Variants in SENP1 observed in about 807,000 individuals in gnomAD.
The protein encoded by SENP1 is sentrin-specific protease 1.
Under a neutral mutation model 93.0 loss-of-function variants are expected in SENP1, and 21 were observed. The observed-to-expected ratio is 0.23, with a 90% CI of 0.16 to 0.33. SENP1 has a LOEUF of 0.33. Ranked by LOEUF, SENP1 falls within the 10% of genes least tolerant of loss-of-function variation. The pLI, the probability that SENP1 is intolerant of heterozygous loss-of-function variation, is 1.00. For synonymous variants in SENP1, 256 were observed against 259.6 expected (o/e 0.99, Z 0.13); for missense variants, 591 against 758.7 (o/e 0.78, Z 2.60).
chr12:48,068,422 C>T lies in SENP1; in HGVS notation c.996-1457G>A, dbSNP rs572011640. Among the ~76,000 whole-genome samples the T allele has an allele frequency of 8.5e-5, 13 of 152,080 alleles. 1 individual carries two copies. In the East Asian group the frequency reaches 2.5e-3, roughly 29 times the overall value. On this transcript the variant is annotated intron_variant, in intron 9 of 17. Coordinates refer to ENST00000549518, the MANE Select transcript of SENP1 (RefSeq NM_001267594.2). ...GTATTAGTTAAGCCTAATGAAAATC[C>T]CTATACTATTTAAACCTCAACATAA... is the stretch of plus-strand genomic sequence containing the variant.
intron 13 of SENP1, among the ~76,000 whole-genome samples, chr12:48,054,646 T>TG (rs1235716274): frequency 2.0e-5 from 3 of 151,908 alleles, no homozygotes; most frequent in Non-Finnish European, 4.4e-5. Context: ...ACAAATTAGC[T>TG]GGGTGTGGTG....
intron 4 of SENP1, among the ~76,000 whole-genome samples, chr12:48,091,331 T>C (rs1945211717): frequency 6.6e-6 from 1 of 151,844 alleles, no homozygotes; most frequent in African/African-American, 2.4e-5. Flanking sequence ...ACGTCTGTCG[T>C]CCCAGTTACT....
At chr12:48,056,098 ATAT>A (rs1424835271) in intron 13 of SENP1, among the ~76,000 whole-genome samples, 29 of 121,394 alleles carry the variant, frequency 2.4e-4, no homozygotes, top group Admixed American at 5.6e-4. Context: ...CATACAGTAT[ATAT>A]TATTTAATAT....
chr12:48,080,083 A>T (rs550134045), intron 6 of SENP1: 1 of 152,338 alleles, frequency 6.6e-6, no homozygotes, highest in Admixed American at 6.5e-5. Flanking sequence ...TTGCCATTTT[A>T]CATTTTTATT....
At chr12:48,054,117 T>C (rs1175844109) in intron 13 of SENP1, among the ~76,000 whole-genome samples, 1 of 152,178 alleles carries the variant, frequency 6.6e-6, no homozygotes, top group Non-Finnish European at 1.5e-5. Context: ...GTGTTCCTGG[T>C]GTACAAACAT....
At chr12:48,056,112 ATATT>A (rs997135687) in intron 13 of SENP1, among the ~76,000 whole-genome samples, 14 of 118,628 alleles carry the variant, frequency 1.2e-4, no homozygotes, top group African/African-American at 4.8e-4. Context: ...TATTTAATAT[ATATT>A]TAAAATATAG....
chr12:48,072,682 T>G (rs1392966767), intron 8 of SENP1, among the ~76,000 whole-genome samples: 1 of 151,880 alleles, frequency 6.6e-6, no homozygotes, highest in Admixed American at 6.6e-5. Context: ...AAGGTTAAAG[T>G]TTTTGATTTA....
At chr12:48,082,873 C>G (rs539054686) in intron 6 of SENP1, among the ~76,000 whole-genome samples, 10 of 152,100 alleles carry the variant, frequency 6.6e-5, no homozygotes, top group Non-Finnish European at 2.9e-5. Context: ...AAAAATTGTT[C>G]CTGGTAAGAA....
At chr12:48,056,853 ATTAT>A (rs1176353774) in intron 13 of SENP1, among the ~76,000 whole-genome samples, 1 of 61,628 alleles carries the variant, frequency 1.6e-5, no homozygotes, top group Admixed American at 2.4e-4. Flanking sequence ...TTACATATAT[ATTAT>A]TTAATATATT....
At chr12:48,087,323 GTTTTTAT>G (rs1320259830) in intron 5 of SENP1, among the ~76,000 whole-genome samples, 1 of 152,066 alleles carries the variant, frequency 6.6e-6, no homozygotes, top group Non-Finnish European at 1.5e-5. Flanking sequence ...GCAATGTGAT[GTTTTTAT>G]TTTTTATTTT....
At chr12:48,053,984 G>A (rs547138368) in intron 13 of SENP1, among the ~76,000 whole-genome samples, 3 of 152,164 alleles carry the variant, frequency 2.0e-5, no homozygotes, top group South Asian at 4.2e-4. Context: ...ATTCATCCAC[G>A]TAAATTGACA....
chr12:48,102,997 C>T lies in SENP1; in HGVS notation c.-44-1481G>A, dbSNP rs111757595. ...AAAAATTCTTCAGGTTATTCTTTCC[C>T]CTTCTTTCTTCTTTAATAGAGTAGA... On this transcript the variant is annotated intron_variant, in intron 1 of 17. Transcript: ENST00000549518. Among the ~76,000 whole-genome samples, 843 of 152,174 alleles carry T rather than the reference C, an allele frequency of 5.5e-3. 10 individuals are homozygous for T. The highest frequency in any genetic ancestry group is 0.019 in the African/African-American group (803 of 41,508).
chr12:48,096,603 G>A (rs1449928011), intron 3 of SENP1, among the ~76,000 whole-genome samples, 176 bp from the exon 4 acceptor site: 1 of 151,912 alleles, frequency 6.6e-6, no homozygotes, highest in East Asian at 1.9e-4. Context: ...TTACAGGCAC[G>A]CGCCATCACA....
intron 4 of SENP1, among the ~76,000 whole-genome samples, chr12:48,092,393 T>TA (rs558757058): frequency 1.3e-5 from 2 of 152,212 alleles, no homozygotes; most frequent in Non-Finnish European, 2.9e-5. Context: ...GAAGTTTTTT[T>TA]AAAGTCCATA....
At chr12:48,084,171 T>G (rs1944676390) in intron 5 of SENP1, among the ~76,000 whole-genome samples, 1 of 152,196 alleles carries the variant, frequency 6.6e-6, no homozygotes, top group Admixed American at 6.5e-5. Context: ...TGGAGGAAAT[T>G]AAGATTAAAT....
intron 6 of SENP1, among the ~76,000 whole-genome samples, chr12:48,078,334 T>TATATATATATATATATATACACAC: frequency 2.9e-5 from 2 of 67,894 alleles, no homozygotes; most frequent in Non-Finnish European, 6.0e-5. Context: ...TATATATATA[T>TATATATATATATATATATACACAC]ACACACACAT....
intron 6 of SENP1, among the ~76,000 whole-genome samples, chr12:48,077,636 GGTTT>G (rs1422801026): frequency 6.6e-6 from 1 of 151,812 alleles, no homozygotes; most frequent in Non-Finnish European, 1.5e-5. Context: ...ACAACATGCA[GGTTT>G]GTTACATATG....
rs756199377 is a variant in SENP1 at position 48,063,784 on chromosome 12, T to C, written c.1333A>G (p.Ser445Gly). ...GTAATGGTCAGGCGAAATGCTTCAC[T>C]GAGAACTTCATCCTGATTCCCATTA... is the stretch of plus-strand genomic sequence containing the variant. Reference protein sequence around the residue: ...FRNGNQDEVLSEAFRLTITRK... With the variant: ...FRNGNQDEVLGEAFRLTITRK... Residue 445 changes from serine (S) to glycine (G), a missense_variant, in exon 13 of 18, where the codon AGT becomes GGT. Transcript: ENST00000549518. The C allele has an allele frequency of 1.2e-6, 2 of 1,613,248 alleles. No individual in the cohort carries two copies. The highest frequency in any genetic ancestry group is 1.1e-5 in the South Asian group (1 of 91,056).
intron 9 of SENP1, among the ~76,000 whole-genome samples, chr12:48,069,818 C>T (rs556903660): frequency 2.6e-5 from 4 of 152,064 alleles, no homozygotes; most frequent in Non-Finnish European, 5.9e-5. Flanking sequence ...TATGAAGTCT[C>T]CCCAAAAGAC....
Sources: gnomAD v4.1 joint callset for allele counts (sites outside exome capture counted in the v4.1 genomes callset) on GRCh38, gnomAD v4.1.1 for gene constraint, MANE v1.5 for transcripts, NCBI Gene and HGNC (gene_info 2026-07-23, HGNC 2026-07-21) for gene names.